PARP8: variants seen among roughly 807,000 people sequenced by gnomAD.
The protein encoded by PARP8 is protein mono-ADP-ribosyltransferase PARP8.
Under a neutral mutation model 124.1 loss-of-function variants are expected in PARP8, and 51 were observed. That is an observed-to-expected ratio of 0.41 (90% CI 0.33 to 0.52). The LOEUF is 0.52. Ranked by LOEUF, PARP8 falls within the 20% of genes least tolerant of loss-of-function variation. The probability of loss-of-function intolerance (pLI) is 0.21; values close to 1 mark genes in which losing one functional copy is unlikely to be tolerated. For synonymous variants in PARP8, 391 were observed against 361.5 expected, an observed-to-expected ratio of 1.08 and a Z score of -0.93; for missense variants, 860 against 1,018.9, an observed-to-expected ratio of 0.84 and a Z score of 2.12.
rs181306082 is a variant in PARP8, at chr5:50,755,045, C to T, written c.185-4598C>T. Among the ~76,000 whole-genome samples, 50 of 151,760 alleles carry T rather than the reference C, an allele frequency of 3.3e-4. 1 individual carries two copies. In the East Asian group the frequency reaches 6.8e-3, roughly 21 times the overall value. ...TTGATGGGGTTGTTTTTTTCTTGTA[C>T]ATTTGTTGGAGTTCTTTGTAGATTC... is the stretch of plus-strand genomic sequence containing the variant. On this transcript the variant is annotated intron_variant, in intron 3 of 25. Transcript: ENST00000281631.
rs150929894 is a variant in PARP8, at chr5:50,704,555, A to G, written c.146+36430A>G. Among the ~76,000 whole-genome samples, 9 of 152,264 alleles carry G rather than the reference A, an allele frequency of 5.9e-5. No individual in the cohort carries two copies. The East Asian group carries it at 1.7e-3, about 29-fold the overall frequency. On this transcript the variant is annotated intron_variant, in intron 2 of 25. Coordinates refer to ENST00000281631, the MANE Select transcript of PARP8 (RefSeq NM_024615.4). ...CCCCAAATGGTAGCCACTAGCCAAA[A>G]GTGGCTTTCGAGCACTTAAAATGTG...
At chr5:50,746,256 T>C (rs1308677005) in intron 2 of PARP8, among the ~76,000 whole-genome samples, 1 of 152,176 alleles carries the variant, frequency 6.6e-6, no homozygotes. Flanking sequence ...TTAGTGGCTG[T>C]TGGGCTTAAG....
At chr5:50,770,657 GGAAA>G (rs1426930403) in intron 7 of PARP8, among the ~76,000 whole-genome samples, 1 of 149,568 alleles carries the variant, frequency 6.7e-6, no homozygotes, top group African/African-American at 2.5e-5. Flanking sequence ...GGGAGAAAGA[GGAAA>G]GAAAGAAAAG....
rs1176378501 is a variant in PARP8, at chr5:50,843,116, T to C, written c.*1048T>C. The stretch of plus-strand genomic sequence containing the variant: ...GAACACAAACTTGATGCTTCTTTTA[T>C]ATTAAAAGACCACAAATAAGTTTAT... On this transcript the variant is annotated 3_prime_UTR_variant, in exon 26 of 26. Transcript: ENST00000281631. 2 of 151,722 alleles carry C rather than the reference T, an allele frequency of 1.3e-5. No individual in the cohort carries two copies. Among genetic ancestry groups the C allele is most frequent in the African/African-American group, 4.8e-5 (2 of 41,368 alleles). The allele number at this position is 151,722 out of a possible 1,614,324, so 9.4% of individuals were successfully genotyped here. A position where few individuals can be genotyped will look rare whatever the true frequency, so the allele number is the denominator to read the frequency against.
intron 2 of PARP8, among the ~76,000 whole-genome samples, chr5:50,742,704 T>C (rs945077886): frequency 6.6e-6 from 1 of 152,186 alleles, no homozygotes; most frequent in Non-Finnish European, 1.5e-5. Context: ...GAGTTGTTAA[T>C]AGATAATATT....
chr5:50,687,890 C>T (rs775345317), intron 2 of PARP8, among the ~76,000 whole-genome samples: 11 of 152,174 alleles, frequency 7.2e-5, no homozygotes, highest in African/African-American at 2.7e-4. Flanking sequence ...GGGACACAGC[C>T]AAACCATATC....
At chr5:50,700,884 C>A (rs1366518606) in intron 2 of PARP8, among the ~76,000 whole-genome samples, 1 of 151,966 alleles carries the variant, frequency 6.6e-6, no homozygotes, top group South Asian at 2.1e-4. Flanking sequence ...TAATCCTCAC[C>A]GTCATACTTG....
intron 3 of PARP8, among the ~76,000 whole-genome samples, chr5:50,759,103 A>G (rs565414798): frequency 6.6e-6 from 1 of 152,230 alleles, no homozygotes; most frequent in Non-Finnish European, 1.5e-5. Context: ...TTTATTTTAG[A>G]GATGGGGGTT....
In PARP8 at chr5:50,794,833, ATTG is replaced by A. The variant is rs1456171565; in HGVS notation, c.864-14_864-12del. 1.3e-6 allele frequency: 2 copies of A among 1,597,192 alleles called. No homozygotes were observed. The highest frequency in any genetic ancestry group is 8.6e-7 in the Non-Finnish European group (1 of 1,168,940). On this transcript the variant is annotated splice_polypyrimidine_tract_variant and intron_variant, in intron 11 of 25. Transcript: ENST00000281631. ...TGTACCTGTGATTTGCCCTGTAGTA[ATTG>A]TTGTTCAATTTTGAAGGTCGCCAAG...
chr5:50,787,269 C>T (rs772297188), intron 9 of PARP8, among the ~76,000 whole-genome samples: 1 of 152,094 alleles, frequency 6.6e-6, no homozygotes, highest in Non-Finnish European at 1.5e-5. Context: ...TTTCCCTTTG[C>T]TCTTTGACCA....
intron 7 of PARP8, among the ~76,000 whole-genome samples, chr5:50,767,177 T>G (rs1761136828): frequency 6.6e-6 from 1 of 152,114 alleles, no homozygotes. Context: ...AATTCTATAT[T>G]AACAATAAGG....
At chr5:50,794,787 C>T in intron 11 of PARP8, 66 bp from the exon 12 acceptor site, 1 of 1,396,512 alleles carries the variant, frequency 7.2e-7, no homozygotes, top group South Asian at 1.3e-5. Flanking sequence ...TTGAGCATGA[C>T]AAGCTTTCTT....
At chr5:50,783,567 A>T (rs897084703) in intron 9 of PARP8, among the ~76,000 whole-genome samples, 1 of 152,224 alleles carries the variant, frequency 6.6e-6, no homozygotes, top group Non-Finnish European at 1.5e-5. Flanking sequence ...TATAGTATAG[A>T]TCCACTACAA....
chr5:50,673,217 G>A (rs1244349234), intron 2 of PARP8, among the ~76,000 whole-genome samples: 2 of 152,048 alleles, frequency 1.3e-5, no homozygotes, highest in Non-Finnish European at 2.9e-5. Context: ...GAGAATCTGG[G>A]TCTTCATATC....
chr5:50,741,652 A>T (rs1380648088), intron 2 of PARP8, among the ~76,000 whole-genome samples: 1 of 152,242 alleles, frequency 6.6e-6, no homozygotes, highest in African/African-American at 2.4e-5. Flanking sequence ...CTGAAAGTAT[A>T]ACTTAAAAAA....
chr5:50,807,536 G>C (rs1013113629), intron 14 of PARP8, among the ~76,000 whole-genome samples: 1 of 152,068 alleles, frequency 6.6e-6, no homozygotes. Context: ...AATGTAGTTT[G>C]TGTCTTCAGG....
At position 50,845,068 on chromosome 5, in the gene PARP8, C is replaced by A. The variant is rs1349149513; in HGVS notation, c.*3000C>A. ...GTTAAATACTATGTAGTATAAAAAA[C>A]CAACCCAAGCTATTGTTAATGCTCT... On this transcript the variant is annotated 3_prime_UTR_variant, in exon 26 of 26. Transcript: ENST00000281631. The A allele has an allele frequency of 6.6e-6, 1 of 150,942 alleles. No individual in the cohort carries two copies. The highest frequency in any genetic ancestry group is 1.5e-5 in the Non-Finnish European group (1 of 67,578). 9.4% of individuals were successfully genotyped at this position (150,942 alleles called of 1,614,324 possible).
At chr5:50,696,849 G>A (rs549713770) in intron 2 of PARP8, among the ~76,000 whole-genome samples, 48 of 151,436 alleles carry the variant, frequency 3.2e-4, no homozygotes, top group South Asian at 1.0e-3. Context: ...TGTAGCTGCC[G>A]TCAGCCCCTC....
rs552341098 is a variant in PARP8 at position 50,667,415 on chromosome 5, G to A, written c.91+229G>A. ...GAGGCAGCCACCAGCTTTGAGGGCAGAGCCCGCGTGGCCGGAGCGGGGGTC... is the reference window on the plus strand; with the variant it reads ...GAGGCAGCCACCAGCTTTGAGGGCAAAGCCCGCGTGGCCGGAGCGGGGGTC... On this transcript the variant is annotated intron_variant, in intron 1 of 25. Coordinates refer to ENST00000281631, the MANE Select transcript of PARP8 (RefSeq NM_024615.4). The A allele has an allele frequency of 4.3e-6, 3 of 702,654 alleles. 1 individual carries two copies. The highest frequency in any genetic ancestry group is 3.5e-5 in the African/African-American group (2 of 57,374). The allele number at this position is 702,654 out of a possible 1,614,324, so 43.5% of individuals were successfully genotyped here.
Sources: gnomAD v4.1 joint callset for allele counts (sites outside exome capture counted in the v4.1 genomes callset) on GRCh38, gnomAD v4.1.1 for gene constraint, MANE v1.5 for transcripts, NCBI Gene and HGNC (gene_info 2026-07-23, HGNC 2026-07-21) for gene names.